Variants in TAF4B observed in about 807,000 individuals in gnomAD.
TAF4B encodes the protein transcription initiation factor TFIID subunit 4B.
TAF4B carries 38 observed loss-of-function variants against 86.4 expected under a neutral mutation model. That is an observed-to-expected ratio of 0.44 (90% CI 0.34 to 0.58). The LOEUF (loss-of-function observed/expected upper bound fraction) is 0.58. TAF4B is among the 20% of genes least tolerant of loss of function. The probability of loss-of-function intolerance (pLI) is 0.02; values close to 1 mark genes in which losing one functional copy is unlikely to be tolerated. For missense variants in TAF4B, 988 were observed against 1,027.6 expected, an observed-to-expected ratio of 0.96 and a Z score of 0.53; for synonymous variants, 388 against 391.2, an observed-to-expected ratio of 0.99 and a Z score of 0.10.
chr18:26,314,849 A>G (rs2056885705), intron 9 of TAF4B, among the ~76,000 whole-genome samples: 1 of 152,120 alleles, frequency 6.6e-6, no homozygotes, highest in Non-Finnish European at 1.5e-5. Flanking sequence ...GACTTGGTGT[A>G]ACTCCAAATG....
At chr18:26,377,911 A>G (rs1235602901) in intron 14 of TAF4B, among the ~76,000 whole-genome samples, 17 of 152,234 alleles carry the variant, frequency 1.1e-4, no homozygotes, top group Non-Finnish European at 1.5e-5. Flanking sequence ...AAATAAAAGT[A>G]TGTACATTTG....
chr18:26,367,126 A>G (rs942233964), intron 14 of TAF4B, among the ~76,000 whole-genome samples: 1 of 152,232 alleles, frequency 6.6e-6, no homozygotes, highest in Admixed American at 6.5e-5. Flanking sequence ...GGACATTAAT[A>G]GGATTCTCCA....
Position 26,320,948 on chromosome 18 carries a change from A to T in TAF4B, c.2003-122A>T, listed in dbSNP as rs1336990017. The T allele has an allele frequency of 1.7e-5, 21 of 1,203,748 alleles. No individual in the cohort carries two copies. The East Asian group carries it at 5.1e-4, about 29-fold the overall frequency. The allele number at this position is 1,203,748 out of a possible 1,614,324, so 74.6% of individuals were successfully genotyped here. ...GTTGTGACTTTACTAGGAAAATCAT[A>T]ATCTCCAAACCTTTATTCATAATGG... On this transcript the variant is annotated intron_variant, in intron 10 of 14. Coordinates refer to ENST00000269142, the MANE Select transcript of TAF4B (RefSeq NM_005640.3).
intron 7 of TAF4B, among the ~76,000 whole-genome samples, chr18:26,288,628 G>A (rs116830810): frequency 0.019 from 2,897 of 151,964 alleles, 78 homozygotes; most frequent in African/African-American, 0.067. Flanking sequence ...AGCGAAACTC[G>A]TCATCTCAAA....
chr18:26,347,121 C>A (rs531674758), intron 13 of TAF4B, among the ~76,000 whole-genome samples: 1 of 151,044 alleles, frequency 6.6e-6, no homozygotes, highest in African/African-American at 2.4e-5. Context: ...GGGGTTTCAC[C>A]ATGTTAGCCA....
intron 1 of TAF4B, among the ~76,000 whole-genome samples, chr18:26,251,757 G>T (rs2056009931): frequency 6.6e-6 from 1 of 152,102 alleles, no homozygotes; most frequent in East Asian, 1.9e-4. Context: ...GTTTCCCTTT[G>T]TTTTTAAGTG....
intron 3 of TAF4B, among the ~76,000 whole-genome samples, chr18:26,271,288 C>CTTGTAT (rs2056314879): frequency 6.6e-6 from 1 of 152,126 alleles, no homozygotes; most frequent in Non-Finnish European, 1.5e-5. Flanking sequence ...TCACTTTTAC[C>CTTGTAT]TTGTATTTGA....
At chr18:26,312,830 G>A (rs2056866394) in intron 9 of TAF4B, among the ~76,000 whole-genome samples, 1 of 152,044 alleles carries the variant, frequency 6.6e-6, no homozygotes. Context: ...GCAGGGATGA[G>A]GTTATATCTC....
At chr18:26,388,096 T>G (rs1413676031) in intron 14 of TAF4B, among the ~76,000 whole-genome samples, 1 of 152,208 alleles carries the variant, frequency 6.6e-6, no homozygotes, top group East Asian at 1.9e-4. Context: ...TGTATGTCTT[T>G]CGGGTGGATA....
intron 13 of TAF4B, among the ~76,000 whole-genome samples, chr18:26,345,205 AG>A (rs1221652491): frequency 6.6e-6 from 1 of 152,140 alleles, no homozygotes; most frequent in East Asian, 1.9e-4. Context: ...GGGTCTGAAA[AG>A]CCGCTCCACT....
intron 5 of TAF4B, among the ~76,000 whole-genome samples, chr18:26,277,345 CGAAG>C: frequency 6.6e-6 from 1 of 152,226 alleles, no homozygotes. Flanking sequence ...CTTGGCCTGG[CGAAG>C]TGCTAGGATT....
chr18:26,281,919 C>G (rs370228005), intron 5 of TAF4B, 52 bp from the exon 6 acceptor site: 147 of 1,355,930 alleles, frequency 1.1e-4, no homozygotes, highest in Admixed American at 1.5e-4. Flanking sequence ...TACTTTGTCT[C>G]TTTTAAAAGA....
intron 14 of TAF4B, among the ~76,000 whole-genome samples, chr18:26,387,798 T>C (rs1317560627): frequency 6.6e-6 from 1 of 152,222 alleles, no homozygotes; most frequent in South Asian, 2.1e-4. Context: ...CAAGTTTAAC[T>C]TAATGAGTAT....
intron 7 of TAF4B, among the ~76,000 whole-genome samples, chr18:26,289,891 T>C (rs2056571373): frequency 6.6e-6 from 1 of 152,174 alleles, no homozygotes; most frequent in African/African-American, 2.4e-5. Flanking sequence ...TTAGAGTCAT[T>C]AAGATGGGAA....
At chr18:26,243,517 G>A (rs1487453576) in intron 1 of TAF4B, among the ~76,000 whole-genome samples, 1 of 152,034 alleles carries the variant, frequency 6.6e-6, no homozygotes, top group Non-Finnish European at 1.5e-5. Flanking sequence ...CTTTGCAGTG[G>A]GTTCAAACAT....
Position 26,293,429 on chromosome 18 carries a change from C to T in TAF4B, c.1730C>T (p.Ser577Phe), listed in dbSNP as rs1229810844. 4 of 1,588,102 alleles carry T rather than the reference C, an allele frequency of 2.5e-6. No individual in the cohort carries two copies. The highest frequency in any genetic ancestry group is 3.4e-6 in the Non-Finnish European group (4 of 1,171,112). ...IIPTSQFPPA[S>F]ILKQITLPGN... ...TTTTCTTGTTTTGTTTTTATAGCTT[C>T]CATTCTAAAGCAAATTACTCTGCCT... The change falls in exon 9 of 15, where the codon TCC (serine) becomes TTC (phenylalanine). Residue 577 changes from serine (S) to phenylalanine (F), a missense_variant. By Grantham distance (155) the Ser-to-Phe change is radical. This residue lies in a region of TAF4B where 747 missense variants were observed against 737.9 expected (regional missense o/e 1.01). Transcript: ENST00000269142.
intron 1 of TAF4B, among the ~76,000 whole-genome samples, chr18:26,253,757 A>G (rs1185123763): frequency 6.6e-6 from 1 of 151,984 alleles, no homozygotes; most frequent in Non-Finnish European, 1.5e-5. Flanking sequence ...TTAAAGGCCT[A>G]TTCAGGTTGT....
chr18:26,368,648 A>G (rs2057386806), intron 14 of TAF4B, among the ~76,000 whole-genome samples: 1 of 152,130 alleles, frequency 6.6e-6, no homozygotes, highest in Non-Finnish European at 1.5e-5. Context: ...TTATAAATGT[A>G]TAGATTCAGT....
intron 1 of TAF4B, among the ~76,000 whole-genome samples, chr18:26,235,240 A>G (rs1024340993): frequency 1.3e-5 from 2 of 152,088 alleles, no homozygotes; most frequent in African/African-American, 2.4e-5. Context: ...CTTGATTAGC[A>G]TATAGAGTGG....
Sources: allele counts gnomAD v4.1 joint callset (sites outside exome capture counted in the v4.1 genomes callset), GRCh38; gene constraint gnomAD v4.1.1; regional missense constraint gnomAD v4.1.1; transcripts MANE v1.5; gene names NCBI Gene and HGNC (gene_info 2026-07-23, HGNC 2026-07-21).